Variants in ARHGEF9 observed in about 807,000 individuals in gnomAD.
The protein encoded by ARHGEF9 is Cdc42 guanine nucleotide exchange factor 9, also known as rho guanine nucleotide exchange factor 9.
ARHGEF9 carries 2 observed loss-of-function variants against 41.3 expected under a neutral mutation model. That is an observed-to-expected ratio of 0.05 (90% CI 0.02 to 0.15). ARHGEF9 has a LOEUF of 0.15. Ranked by LOEUF, ARHGEF9 falls within the 10% of genes least tolerant of loss-of-function variation. The pLI, the probability that ARHGEF9 is intolerant of heterozygous loss-of-function variation, is 1.00. For missense variants in ARHGEF9, 225 were observed against 424.7 expected (o/e 0.53, Z 4.13); for synonymous variants, 160 against 154.4 (o/e 1.04, Z -0.27).
chrX:63,706,813 G>A (rs2052578680), intron 2 of ARHGEF9, among the ~76,000 whole-genome samples: 1 of 112,342 alleles, frequency 8.9e-6, no homozygotes, highest in Non-Finnish European at 1.9e-5. Context: ...AGAGGCCAAA[G>A]TTAAATACTA....
At chrX:63,670,374 A>G (rs2049871991) in intron 6 of ARHGEF9, 2 of 110,661 alleles carry the variant, frequency 1.8e-5, no homozygotes, top group South Asian at 3.9e-4. Flanking sequence ...GTTTCCTCCA[A>G]CTTCTTTGGA....
chrX:63,776,881 C>G (rs2056302053), intron 1 of ARHGEF9, among the ~76,000 whole-genome samples: 1 of 111,434 alleles, frequency 9.0e-6, no homozygotes, highest in Non-Finnish European at 1.9e-5. Context: ...ACCTCCCAAT[C>G]CCTCTGAGCT....
At chrX:63,660,765 G>T (rs185999916) in intron 7 of ARHGEF9, among the ~76,000 whole-genome samples, 3 of 112,117 alleles carry the variant, frequency 2.7e-5, no homozygotes, top group Admixed American at 9.4e-5. Context: ...TATGTGCCAG[G>T]TACTACATCT....
At chrX:63,692,158 T>C (rs782298224) in intron 4 of ARHGEF9, among the ~76,000 whole-genome samples, 12 of 112,131 alleles carry the variant, frequency 1.1e-4, no homozygotes, top group Non-Finnish European at 2.3e-4. Flanking sequence ...AAAGACTCTA[T>C]TGAGTAATAC....
At chrX:63,741,767 T>G (rs1385480127) in intron 1 of ARHGEF9, among the ~76,000 whole-genome samples, 2 of 112,768 alleles carry the variant, frequency 1.8e-5, no homozygotes, top group African/African-American at 6.4e-5. Flanking sequence ...TTCCTGTGTG[T>G]GTATCCTGCC....
chrX:63,743,433 T>C (rs1556429177), intron 1 of ARHGEF9: 1 of 112,715 alleles, frequency 8.9e-6, no homozygotes, highest in Admixed American at 9.3e-5. Context: ...GAAAATAATC[T>C]TGGCTTTGGC....
intron 2 of ARHGEF9, among the ~76,000 whole-genome samples, chrX:63,717,349 A>G (rs1377962474): frequency 1.8e-5 from 2 of 112,082 alleles, no homozygotes; most frequent in Non-Finnish European, 3.8e-5. Context: ...TTGTAATATC[A>G]TTCCTATTAG....
chrX:63,644,103 T>G, intron 8 of ARHGEF9, 55 bp from the exon 9 acceptor site: 1 of 878,530 alleles, frequency 1.1e-6, no homozygotes, highest in Non-Finnish European at 1.6e-6. Flanking sequence ...CCTTACTGAG[T>G]GTATAAATGA....
intron 7 of ARHGEF9, among the ~76,000 whole-genome samples, chrX:63,658,581 CAT>C (rs1405315516): frequency 1.8e-5 from 2 of 111,533 alleles, no homozygotes; most frequent in Non-Finnish European, 3.8e-5. Flanking sequence ...CTAATATAAA[CAT>C]GTCATTTCCA....
chrX:63,700,587 G>T (rs1385909724), intron 3 of ARHGEF9, among the ~76,000 whole-genome samples: 1 of 111,866 alleles, frequency 8.9e-6, no homozygotes, highest in Non-Finnish European at 1.9e-5. Flanking sequence ...CAATTGGAAG[G>T]TAGTCATACC....
intron 5 of ARHGEF9, among the ~76,000 whole-genome samples, chrX:63,677,214 C>T (rs782461586): frequency 1.8e-5 from 2 of 112,075 alleles, no homozygotes; most frequent in South Asian, 7.6e-4. Flanking sequence ...GGGAGAACAA[C>T]AGAACAAAGA....
chrX:63,652,294 TGTGGATCAAAAATATG>T (rs2048595960), intron 8 of ARHGEF9, among the ~76,000 whole-genome samples: 1 of 111,889 alleles, frequency 8.9e-6, no homozygotes, highest in Admixed American at 9.5e-5. Flanking sequence ...TTCAATCAAC[TGTGGATCAAAAATATG>T]CAGAAAAAAG....
At chrX:63,675,269 G>A (rs1556360748) in intron 5 of ARHGEF9, among the ~76,000 whole-genome samples, 2 of 111,844 alleles carry the variant, frequency 1.8e-5, no homozygotes, top group Non-Finnish European at 3.8e-5. Context: ...ACCAAGAAGG[G>A]AGCCTCACAC....
At chrX:63,692,933 T>C (rs782273367) in intron 4 of ARHGEF9, among the ~76,000 whole-genome samples, 1 of 111,994 alleles carries the variant, frequency 8.9e-6, no homozygotes, top group East Asian at 2.8e-4. Context: ...GAAGACATTA[T>C]GTCAACTGAA....
At chrX:63,738,489 C>G (rs1403774545) in intron 1 of ARHGEF9, among the ~76,000 whole-genome samples, 4 of 111,572 alleles carry the variant, frequency 3.6e-5, no homozygotes, top group African/African-American at 1.3e-4. Context: ...GCCAGCTAAC[C>G]TTTTCCTATT....
At chrX:63,755,359 C>G in intron 1 of ARHGEF9, 1 of 551,100 alleles carries the variant, frequency 1.8e-6, no homozygotes, top group Non-Finnish European at 2.5e-6. Context: ...GCCACCAGTT[C>G]TGGTTTGGGG....
intron 1 of ARHGEF9, among the ~76,000 whole-genome samples, chrX:63,784,741 C>T (rs782113937): frequency 1.8e-5 from 2 of 111,052 alleles, no homozygotes; most frequent in East Asian, 2.8e-4. Context: ...CCCACAACCC[C>T]GTGCCAGCTT....
intron 9 of ARHGEF9, chrX:63,640,210 T>G (rs782320445): frequency 1.8e-5 from 2 of 112,392 alleles, no homozygotes; most frequent in African/African-American, 6.5e-5. Flanking sequence ...CATATCAAAA[T>G]ATCACATGTA....
Position 63,666,703 on chromosome X carries a change from C to T in ARHGEF9, c.946-686G>A, listed in dbSNP as rs1159026897. 2.7e-5 allele frequency among the ~76,000 whole-genome samples: 3 copies of T among 110,575 alleles called. No individual in the cohort carries two copies. The East Asian group carries it at 8.6e-4, about 32-fold the overall frequency. ...CACTCCCCTCTTATAATTGTTTTTCCTTCTCCTCTCAGTTCACTAAAATCT... is the reference window on the plus strand; with the variant it reads ...CACTCCCCTCTTATAATTGTTTTTCTTTCTCCTCTCAGTTCACTAAAATCT... On this transcript the variant is annotated intron_variant, in intron 6 of 9. Transcript: ENST00000671741.
Sources: allele counts gnomAD v4.1 joint callset (sites outside exome capture counted in the v4.1 genomes callset), GRCh38; gene constraint gnomAD v4.1.1; transcripts MANE v1.5; gene names NCBI Gene and HGNC (gene_info 2026-07-23, HGNC 2026-07-21).